The following DMD variants were observed in gnomAD, a reference collection of about 807,000 sequenced individuals.
DMD encodes the protein mutant dystrophin.
In DMD, 63 loss-of-function variants were observed where a neutral mutation model predicts 330.1. That is an observed-to-expected ratio of 0.19 (90% CI 0.16 to 0.24). The LOEUF is 0.24. DMD is among the 10% of genes least tolerant of loss of function. The probability of loss-of-function intolerance (pLI) is 1.00; values close to 1 mark genes in which losing one functional copy is unlikely to be tolerated. For synonymous variants in DMD, 1,223 were observed against 959.8 expected (o/e 1.27, Z -5.07); for missense variants, 3,344 against 2,684.1 (o/e 1.25, Z -5.43).
At chrX:31,658,355 A>C (rs1204417947) in intron 53 of DMD, among the ~76,000 whole-genome samples, 1 of 112,121 alleles carries the variant, frequency 8.9e-6, no homozygotes, top group African/African-American at 3.2e-5. Flanking sequence ...CAGCATCTTG[A>C]GCAATAACCA....
chrX:31,947,472 C>T (rs902438646), intron 45 of DMD, among the ~76,000 whole-genome samples: 3 of 111,424 alleles, frequency 2.7e-5, no homozygotes, highest in East Asian at 2.8e-4. Flanking sequence ...AAGGTGTACA[C>T]GATGGGTCCA....
chrX:32,918,691 G>A (rs1345093034), intron 2 of DMD, among the ~76,000 whole-genome samples: 1 of 112,304 alleles, frequency 8.9e-6, no homozygotes, highest in Non-Finnish European at 1.9e-5. Context: ...TTTCTTCATA[G>A]CATTAAAAAT....
At chrX:32,047,567 T>C (rs1437197933) in intron 44 of DMD, among the ~76,000 whole-genome samples, 3 of 111,699 alleles carry the variant, frequency 2.7e-5, no homozygotes, top group African/African-American at 9.7e-5. Context: ...ATTTGGAATG[T>C]GCTTTAATTT....
intron 9 of DMD, among the ~76,000 whole-genome samples, chrX:32,678,792 C>T (rs146155628): frequency 0.052 from 5,844 of 111,519 alleles, 144 homozygotes; most frequent in Non-Finnish European, 0.08. Context: ...AACTTACGCA[C>T]GTTGTCACTC....
intron 44 of DMD, among the ~76,000 whole-genome samples, chrX:31,991,543 T>C (rs897785418): frequency 1.8e-5 from 2 of 110,240 alleles, no homozygotes; most frequent in Admixed American, 1.9e-4. Context: ...GAAACTGCGG[T>C]CATACGGAGA....
chrX:32,925,794 G>A (rs1196647606), intron 2 of DMD, among the ~76,000 whole-genome samples: 2 of 111,629 alleles, frequency 1.8e-5, no homozygotes, highest in African/African-American at 6.5e-5. Context: ...AAAGAGCATT[G>A]GTGAATGTAT....
chrX:32,876,742 C>T (rs187412187), intron 2 of DMD, among the ~76,000 whole-genome samples: 9 of 111,501 alleles, frequency 8.1e-5, no homozygotes, highest in South Asian at 3.8e-4. Context: ...GTGAATGTTC[C>T]GTGTTTCTTA....
chrX:31,158,512 T>C (rs1271302349), intron 74 of DMD, among the ~76,000 whole-genome samples: 1 of 109,984 alleles, frequency 9.1e-6, no homozygotes. Context: ...TTTTGGGGGG[T>C]GATAAAAATG....
chrX:31,215,212 A>T (rs1486624896), intron 64 of DMD, among the ~76,000 whole-genome samples: 3 of 106,532 alleles, frequency 2.8e-5, no homozygotes, highest in Non-Finnish European at 5.8e-5. Flanking sequence ...AAGTGCTGGG[A>T]TTACAGGCGT....
intron 60 of DMD, among the ~76,000 whole-genome samples, chrX:31,350,632 TGAGAGAGAGA>T (rs372820688): frequency 0.097 from 6,466 of 66,618 alleles, 183 homozygotes; most frequent in South Asian, 0.11. Flanking sequence ...TGTGTGTGTG[TGAGAGAGAGA>T]GAGAGAGAGA....
rs1172207063 is a variant in DMD, at chrX:32,184,544, A to G, written c.6438+32372T>C. Among the ~76,000 whole-genome samples the G allele has an allele frequency of 2.7e-5, 3 of 111,126 alleles. No individual in the cohort carries two copies. In the East Asian group the frequency reaches 8.5e-4, roughly 32 times the overall value. On this transcript the variant is annotated intron_variant, in intron 44 of 78. Transcript: ENST00000357033. ...TGTGCTCCTGCTATGGCATATGCTA[A>G]AAGTACATGATGATTGCTTACCAAA... is the stretch of plus-strand genomic sequence containing the variant.
In DMD at chrX:32,786,261, C is replaced by CT. The variant is rs201952618; in HGVS notation, c.649+23231dup. On this transcript the variant is annotated intron_variant, in intron 7 of 78. Transcript: ENST00000357033. ...TTATTTAGACTTTCTCAGATAATAGCTTTTTTTTTTAATCCACATATGACT... is the reference window on the plus strand; with the variant it reads ...TTATTTAGACTTTCTCAGATAATAGCTTTTTTTTTTTAATCCACATATGACT... Among the ~76,000 whole-genome samples, 13 of 106,722 alleles carry CT rather than the reference C, an allele frequency of 1.2e-4. No homozygotes were observed. In the East Asian group the frequency reaches 2.9e-3, roughly 24 times the overall value. The allele number at this position is 106,722 out of a possible 115,157, so 92.7% of individuals were successfully genotyped here.
chrX:31,718,304 A>G (rs1293571335), intron 52 of DMD, among the ~76,000 whole-genome samples: 1 of 111,368 alleles, frequency 9.0e-6, no homozygotes, highest in African/African-American at 3.3e-5. Flanking sequence ...TAGAACAGTT[A>G]CCAATATTCG....
chrX:31,827,763 G>A (rs908325513), intron 49 of DMD, among the ~76,000 whole-genome samples: 2 of 111,578 alleles, frequency 1.8e-5, no homozygotes, highest in African/African-American at 6.5e-5. Context: ...ACTCCAAAAG[G>A]AACCCTCAAA....
intron 30 of DMD, among the ~76,000 whole-genome samples, chrX:32,405,018 C>T (rs1357460729): frequency 9.0e-6 from 1 of 111,683 alleles, no homozygotes; most frequent in Non-Finnish European, 1.9e-5. Context: ...CTCTGACTCC[C>T]TCCCATTGAA....
chrX:32,185,944 C>T (rs1387123629), intron 44 of DMD, among the ~76,000 whole-genome samples: 1 of 110,354 alleles, frequency 9.1e-6, no homozygotes, highest in Non-Finnish European at 1.9e-5. Flanking sequence ...CTTTTTCTGC[C>T]TCTCGGAGAT....
intron 2 of DMD, among the ~76,000 whole-genome samples, chrX:33,002,850 GAAAAAAA>G (rs145168802): frequency 8.0e-4 from 31 of 38,746 alleles, no homozygotes; most frequent in Non-Finnish European, 1.1e-3. Context: ...TTTTTTTCTC[GAAAAAAA>G]AAAAAAAAAA....
chrX:33,182,275 T>C (rs1175767440), intron 1 of DMD, among the ~76,000 whole-genome samples: 1 of 111,848 alleles, frequency 8.9e-6, no homozygotes, highest in Non-Finnish European at 1.9e-5. Context: ...GATTGATCTG[T>C]TTCTTTTGAG....
intron 37 of DMD, among the ~76,000 whole-genome samples, chrX:32,358,560 C>G (rs1177690707): frequency 1.8e-5 from 2 of 111,943 alleles, no homozygotes; most frequent in Non-Finnish European, 3.8e-5. Context: ...TCATTGGATA[C>G]TCTTAGGTAA....
Sources: gnomAD v4.1 joint callset for allele counts (sites outside exome capture counted in the v4.1 genomes callset) on GRCh38, gnomAD v4.1.1 for gene constraint, MANE v1.5 for transcripts, NCBI Gene and HGNC (gene_info 2026-07-23, HGNC 2026-07-21) for gene names.